The following NLRC5 variants were observed in gnomAD, a reference collection of about 807,000 sequenced individuals.
The protein encoded by NLRC5 is protein NLRC5.
A neutral mutation model predicts 206.9 loss-of-function variants in NLRC5; 114 were observed. The observed-to-expected ratio is 0.55, with a 90% CI of 0.47 to 0.64. The LOEUF (loss-of-function observed/expected upper bound fraction) is 0.64. Among genes scored for constraint, NLRC5 ranks in the 30% least tolerant of loss-of-function variants. The pLI, the probability that NLRC5 is intolerant of heterozygous loss-of-function variation, is 0.00. For synonymous variants in NLRC5, 952 were observed against 962.8 expected, an observed-to-expected ratio of 0.99 and a Z score of 0.21; for missense variants, 2,008 against 2,305.5, an observed-to-expected ratio of 0.87 and a Z score of 2.64.
At chr16:57,077,212 T>C in intron 40 of NLRC5, 84 bp from the exon 41 acceptor site, 1 of 1,295,386 alleles carries the variant, frequency 7.7e-7, no homozygotes, top group Non-Finnish European at 1.1e-6. Flanking sequence ...TTCCTGGGAC[T>C]TCAGCCTCCC....
intron 43 of NLRC5, 98 bp downstream of exon 43, chr16:57,078,118 C>A (rs1567649889): frequency 1.0e-6 from 1 of 1,001,438 alleles, no homozygotes; most frequent in Non-Finnish European, 1.4e-6. Flanking sequence ...AGCTGCCCTG[C>A]CCCAAGTCAA....
intron 1 of NLRC5, chr16:56,992,278 A>T (rs966898991): frequency 1.7e-4 from 26 of 152,166 alleles, no homozygotes; most frequent in African/African-American, 5.6e-4. Flanking sequence ...GTGACAGCAG[A>T]TACAGCAGTA....
At chr16:57,013,118 A>G (rs2059671630) in intron 1 of NLRC5, 1 of 317,604 alleles carries the variant, frequency 3.1e-6, no homozygotes, top group Non-Finnish European at 6.2e-6. Flanking sequence ...ATTATAGTGA[A>G]TAGTAATTTA....
intron 7 of NLRC5, 56 bp from the exon 8 acceptor site, chr16:57,028,246 T>C (rs1196309147): frequency 5.7e-6 from 9 of 1,586,910 alleles, no homozygotes; most frequent in Non-Finnish European, 6.1e-6. Context: ...GGCAGATTCC[T>C]GGCCCCGCCC....
Position 57,083,363 on chromosome 16 carries a change from A to G in NLRC5, c.*835A>G, listed in dbSNP as rs2069358170. 6.6e-6 allele frequency: 1 copy of G among 152,240 alleles called. No individual in the cohort carries two copies. The highest frequency in any genetic ancestry group is 6.5e-5 in the Admixed American group (1 of 15,290). 9.4% of individuals were successfully genotyped at this position (152,240 alleles called of 1,614,324 possible). ...GGTAGGGGGCACTGCCAAGACAATA[A>G]GCTAGGCTACTGGGTCCAGCTACTA... On this transcript the variant is annotated 3_prime_UTR_variant, in exon 49 of 49. Coordinates refer to ENST00000688547, the MANE Select transcript of NLRC5 (RefSeq NM_001384950.1).
chr16:56,993,666 G>A (rs1165224709), intron 1 of NLRC5, among the ~76,000 whole-genome samples: 10 of 152,124 alleles, frequency 6.6e-5, no homozygotes, highest in South Asian at 4.1e-4. Flanking sequence ...CTCTTATTAC[G>A]AATGAGTTTG....
intron 1 of NLRC5, chr16:56,990,573 C>A (rs958361698): frequency 2.0e-5 from 3 of 152,078 alleles, no homozygotes; most frequent in African/African-American, 4.8e-5. Flanking sequence ...CCTTCAGTGC[C>A]GTTTGCGTCC....
rs771086764 is a variant in NLRC5, at chr16:57,051,551, T to A, written c.3436T>A (p.Phe1146Ile). 1.1e-5 allele frequency: 17 copies of A among 1,613,770 alleles called. No homozygotes were observed. Residue 1146 changes from phenylalanine to isoleucine, a missense_variant, in exon 24 of 49, where the codon TTC becomes ATC. Phe to Ile is a conservative substitution (Grantham distance 21, BLOSUM62 0). Coordinates refer to ENST00000688547, the MANE Select transcript of NLRC5 (RefSeq NM_001384950.1). ...TTTGTTTCACAGATTGTCCTGTGAG[T>A]TCCTGAGTGACCAGAGCCTGGAGAC... ...GPLELQLSCE[F>I]LSDQSLETLL...
chr16:57,027,749 T>A (rs1448818991), intron 6 of NLRC5, among the ~76,000 whole-genome samples: 1 of 152,188 alleles, frequency 6.6e-6, no homozygotes, highest in Non-Finnish European at 1.5e-5. Flanking sequence ...GAGGAACATG[T>A]CAATGCATTA....
At chr16:57,075,005 C>CCTTTTTT (rs2068196484) in intron 39 of NLRC5, among the ~76,000 whole-genome samples, 1 of 58,066 alleles carries the variant, frequency 1.7e-5, no homozygotes, top group Non-Finnish European at 3.2e-5. Flanking sequence ...CTAGACTGTG[C>CCTTTTTT]TTTTTTTTTT....
chr16:57,063,763 G>A (rs766476301), intron 32 of NLRC5, among the ~76,000 whole-genome samples: 11 of 151,796 alleles, frequency 7.2e-5, no homozygotes, highest in Non-Finnish European at 1.3e-4. Flanking sequence ...TTTTGAGACG[G>A]AGTCTCGCTC....
rs1345450287 is a variant in NLRC5, at chr16:57,054,761, A to G, written c.3517A>G (p.Thr1173Ala). Residue 1173 changes from threonine (T) to alanine (A), a missense_variant, in exon 25 of 49, where the codon ACG becomes GCG. Thr to Ala is a moderately conservative substitution (Grantham distance 58). Coordinates refer to ENST00000688547, the MANE Select transcript of NLRC5 (RefSeq NM_001384950.1). ...PQLSLLQLSQ[T>A]GLSPKSPFLL... ...CCCTTTCCTTTTCAGGCTGAGCCAG[A>G]CGGGACTGTCCCCGAAAAGCCCCTT... The G allele has an allele frequency of 6.2e-7, 1 of 1,613,936 alleles. No homozygotes were observed. Among genetic ancestry groups the G allele is most frequent in the Non-Finnish European group, 8.5e-7 (1 of 1,179,960 alleles).
intron 1 of NLRC5, among the ~76,000 whole-genome samples, chr16:57,015,225 G>A (rs75911530): frequency 0.019 from 2,945 of 152,118 alleles, 33 homozygotes; most frequent in Non-Finnish European, 0.033. Flanking sequence ...CACCGCACCC[G>A]GCCTCCAGCC....
intron 2 of NLRC5, among the ~76,000 whole-genome samples, chr16:57,020,190 C>G (rs2142909403): frequency 6.6e-6 from 1 of 151,550 alleles, no homozygotes; most frequent in East Asian, 1.9e-4. Context: ...ATCACCTTCC[C>G]CCTAGTTCAT....
chr16:57,058,025 G>A, intron 27 of NLRC5, 40 bp from the exon 28 acceptor site: 1 of 1,520,596 alleles, frequency 6.6e-7, no homozygotes, highest in Non-Finnish European at 9.1e-7. Context: ...AGGCTGAGGA[G>A]GCACCTCTGA....
chr16:57,036,253 T>C (rs1651668), intron 14 of NLRC5, 70 bp downstream of exon 14: 657,960 of 1,417,334 alleles, frequency 0.46, 156,877 homozygotes, highest in African/African-American at 0.67. Context: ...CCCGTGTTCG[T>C]AATCAGCAGT....
intron 1 of NLRC5, among the ~76,000 whole-genome samples, chr16:56,998,192 GT>G: frequency 6.9e-6 from 1 of 145,106 alleles, no homozygotes; most frequent in Middle Eastern, 3.5e-3. Context: ...AGTCACTGAT[GT>G]CTTTTTTTTT....
intron 8 of NLRC5, among the ~76,000 whole-genome samples, chr16:57,028,611 G>A (rs1567559998): frequency 6.6e-6 from 1 of 152,192 alleles, no homozygotes; most frequent in African/African-American, 2.4e-5. Context: ...AGACTGTCTT[G>A]GAGGAGCATG....
rs1311076869 is a variant in NLRC5 at position 57,058,059 on chromosome 16, C to CT, written c.3747-5dup. 6.2e-7 allele frequency: 1 copy of CT among 1,611,036 alleles called. No homozygotes were observed. The highest frequency in any genetic ancestry group is 8.5e-7 in the Non-Finnish European group (1 of 1,178,532). On this transcript the variant is annotated splice_polypyrimidine_tract_variant and splice_region_variant and intron_variant, in intron 27 of 48. Transcript: ENST00000688547. ...GATCCCCGCCACTGCTCCTTACCCC[C>CT]TACAGTCTCTCAGCAAACCTGCTGG...
Sources: allele counts gnomAD v4.1 joint callset (sites outside exome capture counted in the v4.1 genomes callset), GRCh38; gene constraint gnomAD v4.1.1; transcripts MANE v1.5; gene names NCBI Gene and HGNC (gene_info 2026-07-23, HGNC 2026-07-21).